PPM1H: variants seen among roughly 807,000 people sequenced by gnomAD.
PPM1H encodes the protein protein phosphatase, Mg2+/Mn2+ dependent 1H, also known as protein phosphatase 1H.
In PPM1H, 27 loss-of-function variants were observed where a neutral mutation model predicts 54.9. The ratio of observed to expected loss-of-function variants is 0.49; its 90% CI spans 0.36 to 0.68. PPM1H has a LOEUF of 0.68. Ranked by LOEUF, PPM1H falls within the 30% of genes least tolerant of loss-of-function variation. The pLI, the probability that PPM1H is intolerant of heterozygous loss-of-function variation, is 0.00. For synonymous variants in PPM1H, 305 were observed against 270.8 expected (o/e 1.13, Z -1.24); for missense variants, 596 against 667.8 (o/e 0.89, Z 1.19).
chr12:62,763,757 T>C (rs2076524403), intron 4 of PPM1H, among the ~76,000 whole-genome samples: 1 of 152,228 alleles, frequency 6.6e-6, no homozygotes, highest in East Asian at 1.9e-4. Flanking sequence ...CGTTTCATTT[T>C]AGGGGTGAAG....
At chr12:62,797,593 C>A (rs921015892) in intron 3 of PPM1H, among the ~76,000 whole-genome samples, 6 of 152,054 alleles carry the variant, frequency 3.9e-5, no homozygotes, top group Middle Eastern at 3.2e-3. Flanking sequence ...CACCGTGGCG[C>A]TTGTGGGCAT....
At chr12:62,683,820 G>C (rs1438494508) in intron 8 of PPM1H, among the ~76,000 whole-genome samples, 2 of 152,162 alleles carry the variant, frequency 1.3e-5, no homozygotes, top group Non-Finnish European at 1.5e-5. Context: ...GGAAAGAAGG[G>C]TGAAATTAAG....
Position 62,844,081 on chromosome 12 carries a change from C to T in PPM1H, c.246-11802G>A, listed in dbSNP as rs886412549. Among the ~76,000 whole-genome samples, 2 of 152,156 alleles carry T rather than the reference C, an allele frequency of 1.3e-5. No homozygotes were observed. The highest frequency in any genetic ancestry group is 2.9e-5 in the Non-Finnish European group (2 of 68,034). ...TACAATAAGACTTTGCCTTTGTCAACCTTAAATAACGAGATTCAGAAATTA... is the reference window on the plus strand; with the variant it reads ...TACAATAAGACTTTGCCTTTGTCAATCTTAAATAACGAGATTCAGAAATTA... On this transcript the variant is annotated intron_variant, in intron 1 of 9. Transcript: ENST00000228705. This position sits in a 1 kb window ranked among gnomAD's most constrained non-coding sequence, Gnocchi z 5.2.
intron 9 of PPM1H, among the ~76,000 whole-genome samples, chr12:62,649,970 C>G (rs1219140683): frequency 6.6e-6 from 1 of 152,136 alleles, no homozygotes; most frequent in Non-Finnish European, 1.5e-5. Flanking sequence ...AGCCTGTGGG[C>G]CTTTTACAAG....
intron 1 of PPM1H, among the ~76,000 whole-genome samples, chr12:62,859,886 T>C (rs1869534654): frequency 1.3e-5 from 2 of 152,048 alleles, no homozygotes; most frequent in Non-Finnish European, 2.9e-5. Context: ...CATTCAAGAG[T>C]TAGAAGCACA....
chr12:62,800,269 C>G (rs916502345), intron 3 of PPM1H, among the ~76,000 whole-genome samples: 1 of 152,120 alleles, frequency 6.6e-6, no homozygotes, highest in African/African-American at 2.4e-5. Flanking sequence ...TCTGGCAAGA[C>G]GCTTCTAGCT....
intron 3 of PPM1H, among the ~76,000 whole-genome samples, chr12:62,798,321 GAGGTA>G (rs1255753800): frequency 6.6e-6 from 1 of 152,230 alleles, no homozygotes; most frequent in African/African-American, 2.4e-5. Flanking sequence ...CACTTTGCGT[GAGGTA>G]AGGTGAACAC....
chr12:62,890,527 G>T (rs746087971), intron 1 of PPM1H, among the ~76,000 whole-genome samples: 2 of 151,984 alleles, frequency 1.3e-5, no homozygotes, highest in Non-Finnish European at 2.9e-5. Context: ...AAAATAAAAG[G>T]GTTCCTGAAC....
chr12:62,790,505 G>A (rs576488787), intron 3 of PPM1H, among the ~76,000 whole-genome samples: 5 of 152,270 alleles, frequency 3.3e-5, no homozygotes, highest in East Asian at 3.9e-4. Context: ...CCAGGAGTTC[G>A]AGGCTGCAGT....
At position 62,718,432 on chromosome 12, in the gene PPM1H, C is replaced by T. The variant is rs73312427; in HGVS notation, c.1073+1739G>A. Among the ~76,000 whole-genome samples the T allele has an allele frequency of 3.5e-3, 533 of 152,262 alleles. 1 individual carries two copies. The highest frequency in any genetic ancestry group is 0.012 in the African/African-American group (511 of 41,546). On this transcript the variant is annotated intron_variant, in intron 6 of 9. Coordinates refer to ENST00000228705, the MANE Select transcript of PPM1H (RefSeq NM_020700.2). ...CTCATTCCAACTTCTCTTAGAATGG[C>T]CCTCCAAAAACATCACTTTCATTTA...
chr12:62,796,243 T>G (rs2076733572), intron 3 of PPM1H, among the ~76,000 whole-genome samples: 1 of 152,148 alleles, frequency 6.6e-6, no homozygotes, highest in Non-Finnish European at 1.5e-5. Flanking sequence ...AGCAATCAGT[T>G]CTGCAGAAGA....
At chr12:62,898,152 G>T (rs1344756695) in intron 1 of PPM1H, among the ~76,000 whole-genome samples, 1 of 152,140 alleles carries the variant, frequency 6.6e-6, no homozygotes, top group African/African-American at 2.4e-5. Flanking sequence ...AAACACTTCT[G>T]CATTTCATTG....
chr12:62,739,956 A>C (rs1053543939), intron 4 of PPM1H, among the ~76,000 whole-genome samples: 1 of 152,044 alleles, frequency 6.6e-6, no homozygotes, highest in African/African-American at 2.4e-5. Flanking sequence ...GTCACTTCCC[A>C]CACCTCGGGG....
At chr12:62,770,374 C>T (rs973111079) in intron 4 of PPM1H, among the ~76,000 whole-genome samples, 1 of 152,086 alleles carries the variant, frequency 6.6e-6, no homozygotes, top group Admixed American at 6.5e-5. Flanking sequence ...TCCCACAGCG[C>T]TATGATAAGT....
At chr12:62,648,875 A>T (rs2075800668) in intron 9 of PPM1H, among the ~76,000 whole-genome samples, 2 of 152,234 alleles carry the variant, frequency 1.3e-5, no homozygotes, top group Non-Finnish European at 2.9e-5. Flanking sequence ...TACATTATTC[A>T]CCTCCTCAGT....
At chr12:62,811,561 T>G (rs895323609) in intron 2 of PPM1H, among the ~76,000 whole-genome samples, 2 of 152,184 alleles carry the variant, frequency 1.3e-5, no homozygotes, top group African/African-American at 4.8e-5. Flanking sequence ...TCCACCCAAA[T>G]CTCATCTTGA....
chr12:62,820,570 T>C (rs539689592), intron 2 of PPM1H, among the ~76,000 whole-genome samples: 1 of 152,292 alleles, frequency 6.6e-6, no homozygotes, highest in African/African-American at 2.4e-5. Context: ...GCAGCAACAT[T>C]TGCCGTTCTG....
At chr12:62,799,549 C>T (rs776186408) in intron 3 of PPM1H, among the ~76,000 whole-genome samples, 2 of 152,076 alleles carry the variant, frequency 1.3e-5, no homozygotes, top group Non-Finnish European at 2.9e-5. Context: ...TGTCTAGAAA[C>T]ATTTATTGAC....
chr12:62,771,410 G>C (rs1207527173), intron 4 of PPM1H, among the ~76,000 whole-genome samples: 6 of 151,796 alleles, frequency 4.0e-5, no homozygotes, highest in African/African-American at 9.7e-5. Context: ...TACAGTTCTA[G>C]GGTCCAGAGC....
Sources: gnomAD v4.1 joint callset for allele counts (sites outside exome capture counted in the v4.1 genomes callset) on GRCh38, gnomAD v4.1.1 for gene constraint, Gnocchi (gnomAD v3.1) non-coding constraint, MANE v1.5 for transcripts, NCBI Gene and HGNC (gene_info 2026-07-23, HGNC 2026-07-21) for gene names.